Variants in DCC observed in about 807,000 individuals in gnomAD.
The protein encoded by DCC is netrin receptor DCC.
DCC carries 58 observed loss-of-function variants against 172.5 expected under a neutral mutation model. The observed-to-expected ratio is 0.34, with a 90% CI of 0.27 to 0.42. DCC has a LOEUF of 0.42. DCC is among the 10% of genes least tolerant of loss of function. The pLI is 1.00. For synonymous variants in DCC, 709 were observed against 644.5 expected (o/e 1.10, Z -1.52); for missense variants, 1,740 against 1,791.0 (o/e 0.97, Z 0.51).
chr18:53,344,657 G>A (rs1209955151), intron 15 of DCC, among the ~76,000 whole-genome samples: 1 of 151,190 alleles, frequency 6.6e-6, no homozygotes, highest in Non-Finnish European at 1.5e-5. Flanking sequence ...GTCCATGCTG[G>A]TCTTGAACTC....
chr18:52,909,975 A>G (rs1390719686), intron 3 of DCC, among the ~76,000 whole-genome samples: 4 of 152,130 alleles, frequency 2.6e-5, no homozygotes, highest in African/African-American at 9.7e-5. Flanking sequence ...GAAAATAGAG[A>G]TCAAAAGCTT....
At chr18:53,394,850 C>G (rs2145017077) in intron 17 of DCC, among the ~76,000 whole-genome samples, 1 of 152,184 alleles carries the variant, frequency 6.6e-6, no homozygotes, top group South Asian at 2.1e-4. Flanking sequence ...CACAAGAAAA[C>G]TAAGGCTCAG....
At chr18:52,454,246 A>G (rs565258984) in intron 1 of DCC, among the ~76,000 whole-genome samples, 199 of 152,306 alleles carry the variant, frequency 1.3e-3, no homozygotes, top group Middle Eastern at 3.4e-3. Flanking sequence ...TTGCAAGATC[A>G]TTATGTTTCT....
intron 2 of DCC, among the ~76,000 whole-genome samples, chr18:52,894,288 C>G (rs1716529185): frequency 6.6e-6 from 1 of 151,938 alleles, no homozygotes; most frequent in South Asian, 2.1e-4. Flanking sequence ...AGGAAAGAAA[C>G]TGGTACTGTT....
chr18:53,382,069 AACACACACACAC>A (rs61553123), intron 15 of DCC, among the ~76,000 whole-genome samples: 1 of 122,856 alleles, frequency 8.1e-6, no homozygotes, highest in Non-Finnish European at 1.9e-5. Flanking sequence ...GATTAAAAAC[AACACACACACAC>A]ACACACACAC....
intron 1 of DCC, among the ~76,000 whole-genome samples, chr18:52,610,168 A>T (rs1568254083): frequency 1.2e-3 from 27 of 22,978 alleles, no homozygotes; most frequent in African/African-American, 1.3e-3. Context: ...AAAAAAAAAA[A>T]AAAAAAAAAA....
At chr18:53,130,376 G>A (rs1168039730) in intron 7 of DCC, among the ~76,000 whole-genome samples, 1 of 152,074 alleles carries the variant, frequency 6.6e-6, no homozygotes, top group African/African-American at 2.4e-5. Flanking sequence ...GTGGTTCCCA[G>A]GTTATAGAGC....
intron 22 of DCC, among the ~76,000 whole-genome samples, chr18:53,437,727 GCTCA>G (rs1568132243): frequency 6.6e-6 from 1 of 151,460 alleles, no homozygotes; most frequent in Non-Finnish European, 1.5e-5. Flanking sequence ...AATTTCATTA[GCTCA>G]CTCTCGTGCT....
At chr18:52,626,673 C>G (rs924359676) in intron 1 of DCC, among the ~76,000 whole-genome samples, 18 of 152,292 alleles carry the variant, frequency 1.2e-4, no homozygotes, top group African/African-American at 4.3e-4. Context: ...ATGGGTTTCA[C>G]ATCCGTAGAT....
In DCC at chr18:53,470,300, C is replaced by T. The variant is rs1310915835; in HGVS notation, c.3736+2290C>T. Among the ~76,000 whole-genome samples, 3 of 152,132 alleles carry T rather than the reference C, an allele frequency of 2.0e-5. No individual in the cohort carries two copies. The East Asian group carries it at 5.8e-4, about 29-fold the overall frequency. On this transcript the variant is annotated intron_variant, in intron 25 of 28. Transcript: ENST00000442544. ...GCAAGAGTCTCCTTTGCTTCATTTC[C>T]CAATAATTTCCTCATCACCATCTGA...
chr18:52,953,014 A>AC (rs975936776), intron 5 of DCC, among the ~76,000 whole-genome samples: 6 of 150,658 alleles, frequency 4.0e-5, no homozygotes, highest in African/African-American at 1.5e-4. Flanking sequence ...AAAAAAAAAA[A>AC]AAAAAAAAAA....
chr18:52,619,238 C>G (rs2034438210), intron 1 of DCC, among the ~76,000 whole-genome samples: 1 of 152,170 alleles, frequency 6.6e-6, no homozygotes, highest in Non-Finnish European at 1.5e-5. Flanking sequence ...AAGAGATACT[C>G]CTGGCCATTC....
At chr18:52,432,825 G>A (rs1477818665) in intron 1 of DCC, among the ~76,000 whole-genome samples, 12 of 152,082 alleles carry the variant, frequency 7.9e-5, no homozygotes, top group African/African-American at 2.2e-4. Context: ...CAGGAGTGCC[G>A]CCTGAGCTCA....
chr18:53,454,881 A>C (rs1426578840), intron 23 of DCC, among the ~76,000 whole-genome samples: 1 of 152,184 alleles, frequency 6.6e-6, no homozygotes, highest in African/African-American at 2.4e-5. Context: ...TTAAGACTTC[A>C]TTATATCTTA....
intron 2 of DCC, among the ~76,000 whole-genome samples, chr18:52,782,999 G>A (rs1462362617): frequency 1.3e-5 from 2 of 152,042 alleles, no homozygotes; most frequent in African/African-American, 2.4e-5. Flanking sequence ...CCCTGTTAGA[G>A]TAAAGGAAGC....
intron 7 of DCC, among the ~76,000 whole-genome samples, chr18:53,102,764 CTT>C (rs2043192089): frequency 6.6e-6 from 1 of 152,068 alleles, no homozygotes; most frequent in African/African-American, 2.4e-5. Context: ...TTTTCAGACT[CTT>C]TATTGTGCTG....
intron 1 of DCC, among the ~76,000 whole-genome samples, chr18:52,680,012 C>A (rs1665811657): frequency 6.6e-6 from 1 of 152,028 alleles, no homozygotes; most frequent in Admixed American, 6.6e-5. Flanking sequence ...AACTACTCTT[C>A]AAATTTCTTG....
intron 7 of DCC, among the ~76,000 whole-genome samples, chr18:53,122,738 T>G (rs554674329): frequency 6.6e-6 from 1 of 152,038 alleles, no homozygotes; most frequent in African/African-American, 2.4e-5. Flanking sequence ...GGAATTAACA[T>G]GATGGTTATT....
chr18:53,177,715 A>G (rs1377087689), intron 8 of DCC, among the ~76,000 whole-genome samples: 1 of 152,178 alleles, frequency 6.6e-6, no homozygotes, highest in African/African-American at 2.4e-5. Flanking sequence ...GAATCAGCAC[A>G]CATCACATCA....
Sources: gnomAD v4.1 joint callset for allele counts (sites outside exome capture counted in the v4.1 genomes callset) on GRCh38, gnomAD v4.1.1 for gene constraint, MANE v1.5 for transcripts, NCBI Gene and HGNC (gene_info 2026-07-23, HGNC 2026-07-21) for gene names.